Variants in GON4L observed in about 807,000 individuals in gnomAD.
GON4L encodes the protein GON-4-like protein.
Under a neutral mutation model 211.8 loss-of-function variants are expected in GON4L, and 87 were observed. The ratio of observed to expected loss-of-function variants is 0.41; its 90% CI spans 0.35 to 0.49. The LOEUF (loss-of-function observed/expected upper bound fraction) is 0.49. GON4L is among the 20% of genes least tolerant of loss of function. The pLI, the probability that GON4L is intolerant of heterozygous loss-of-function variation, is 0.15. For missense variants in GON4L, 2,155 were observed against 2,659.5 expected (o/e 0.81, Z 4.17); for synonymous variants, 875 against 962.6 (o/e 0.91, Z 1.68).
chr1:155,781,467 TA>T lies in GON4L; in HGVS notation c.1892+2518del, dbSNP rs1354714310. On this transcript the variant is annotated intron_variant, in intron 14 of 31. Transcript: ENST00000368331. ...GATCTATAATTATTATTATTATTAT[TA>T]TTATTATTTTTTGAGATGGAGTCTT... Among the ~76,000 whole-genome samples, 32 of 151,482 alleles carry T rather than the reference TA, an allele frequency of 2.1e-4. 1 individual carries two copies. Among genetic ancestry groups the T allele is most frequent in the African/African-American group, 5.1e-4 (21 of 41,310 alleles).
chr1:155,754,353 G>A (rs761393814), intron 28 of GON4L, 22 bp downstream of exon 28: 3 of 1,416,368 alleles, frequency 2.1e-6, no homozygotes, highest in Non-Finnish European at 3.0e-6. Flanking sequence ...GATACCCTCG[G>A]GACCCTTGAT....
At chr1:155,791,761 T>TTG (rs1665588838) in intron 12 of GON4L, among the ~76,000 whole-genome samples, 1 of 151,236 alleles carries the variant, frequency 6.6e-6, no homozygotes, top group African/African-American at 2.4e-5. Flanking sequence ...CCAGCTATTC[T>TTG]GGAGGCTGAG....
At chr1:155,802,312 T>TGGGGG (rs112512680) in intron 11 of GON4L, among the ~76,000 whole-genome samples, 4 of 137,134 alleles carry the variant, frequency 2.9e-5, no homozygotes, top group South Asian at 5.0e-4. Flanking sequence ...ACATTTTCCT[T>TGGGGG]GGGGGGGGGG....
Position 155,853,637 on chromosome 1 carries a change from G to C in GON4L, c.144C>G (p.Ser48=), listed in dbSNP as rs764640620. ...CTACTCTGCCATGACTTGGATCCCA[G>C]GATAGTGACACCGAACTCAAGTCCT... ...QVKDLSSVSL[S]WDPSHGRVAG... Residue 48 remains serine, a synonymous_variant, in exon 2 of 32, where the codon TCC becomes TCG. Transcript: ENST00000368331. 6.2e-7 allele frequency: 1 copy of C among 1,614,122 alleles called. No homozygotes were observed. Among genetic ancestry groups the C allele is most frequent in the Non-Finnish European group, 8.5e-7 (1 of 1,179,994 alleles).
In GON4L at chr1:155,752,391, C is replaced by T. The variant is rs528896667; in HGVS notation, c.6042G>A (p.Gln2014=). The change falls in exon 30 of 32, where the codon CAG becomes CAA. Residue 2014 remains glutamine, a synonymous_variant. Coordinates refer to ENST00000368331, the MANE Select transcript of GON4L (RefSeq NM_001282860.2). ...CTGCCTTTTGGCCCTCCCTCTCTTT[C>T]TGAAGTCTGGGGGATGCCTTGGGGC... is the stretch of plus-strand genomic sequence containing the variant. ...RSCPKASPRL[Q]KEREGQKAVS... is the part of the protein sequence containing the mutation. The T allele has an allele frequency of 1.9e-6, 3 of 1,589,324 alleles. No homozygotes were observed. The African/African-American group carries it at 4.0e-5, about 21-fold the overall frequency.
At chr1:155,858,062 A>G (rs1672420363), upstream of GON4L, among the ~76,000 whole-genome samples, 1 of 152,212 alleles carries the variant, frequency 6.6e-6, no homozygotes, top group Admixed American at 6.6e-5. Context: ...ACAGACAGCT[A>G]TCAAGGAGAA....
rs1007887279 is a variant in GON4L, at chr1:155,785,988, C to T, written c.1748-614G>A. On this transcript the variant is annotated intron_variant, in intron 12 of 31. Transcript: ENST00000368331. The stretch of plus-strand genomic sequence containing the variant: ...GTGGGCGCCTGTAGTCCCAGCTACT[C>T]GGGAGGCTGAGGCAGGAGAATGGCG... 6.6e-5 allele frequency among the ~76,000 whole-genome samples: 10 copies of T among 151,870 alleles called. No individual in the cohort carries two copies. The East Asian group carries it at 1.4e-3, about 21-fold the overall frequency.
At chr1:155,748,638 T>C, downstream of GON4L, 1 of 1,613,332 alleles carries the variant, frequency 6.2e-7, no homozygotes, top group Non-Finnish European at 8.5e-7. Flanking sequence ...CCCTTTCCCC[T>C]TGGCTCCAGG....
chr1:155,753,973 AT>A, intron 28 of GON4L: 1 of 274,310 alleles, frequency 3.6e-6, no homozygotes, highest in South Asian at 3.7e-5. Context: ...TGCTCCAAGG[AT>A]TTTAAATGGC....
chr1:155,753,081 C>G (rs187931741), intron 29 of GON4L, 123 bp downstream of exon 29: 2 of 711,216 alleles, frequency 2.8e-6, no homozygotes, highest in Non-Finnish European at 4.9e-6. Context: ...ATGGGTCCAT[C>G]AGTGAAAGAG....
At chr1:155,851,641 G>C (rs1012726088) in intron 2 of GON4L, among the ~76,000 whole-genome samples, 2 of 150,990 alleles carry the variant, frequency 1.3e-5, no homozygotes, top group Admixed American at 6.6e-5. Context: ...ACTTGAACAG[G>C]GGAGGTGGAG....
At chr1:155,838,137 T>TA (rs1031875973) in intron 2 of GON4L, among the ~76,000 whole-genome samples, 2 of 151,888 alleles carry the variant, frequency 1.3e-5, no homozygotes, top group Non-Finnish European at 2.9e-5. Flanking sequence ...AGCACACACT[T>TA]ATAGTCCCAG....
intron 11 of GON4L, among the ~76,000 whole-genome samples, chr1:155,796,104 A>T (rs934175866): frequency 3.9e-5 from 6 of 152,172 alleles, no homozygotes; most frequent in African/African-American, 1.2e-4. Flanking sequence ...TAACCATTCT[A>T]TAAAAGTTCA....
At chr1:155,807,491 G>A (rs1399440443) in intron 10 of GON4L, among the ~76,000 whole-genome samples, 1 of 151,896 alleles carries the variant, frequency 6.6e-6, no homozygotes, top group Non-Finnish European at 1.5e-5. Context: ...CGGATCACGA[G>A]GTCAGAAGAT....
intron 2 of GON4L, among the ~76,000 whole-genome samples, chr1:155,830,959 G>A (rs145065157): frequency 9.2e-5 from 14 of 152,198 alleles, no homozygotes; most frequent in African/African-American, 2.2e-4. Flanking sequence ...GTGTTTTGAA[G>A]GGCAATACTT....
upstream of GON4L, among the ~76,000 whole-genome samples, chr1:155,857,844 T>C (rs556981131): frequency 3.9e-5 from 6 of 152,238 alleles, no homozygotes; most frequent in South Asian, 1.2e-3. Flanking sequence ...TTACAAATAG[T>C]GCAGGCTCCT....
chr1:155,753,168 T>A, intron 29 of GON4L, 36 bp downstream of exon 29: 1 of 1,490,316 alleles, frequency 6.7e-7, no homozygotes, highest in South Asian at 1.1e-5. Flanking sequence ...ATAACGAGAC[T>A]GAGGAACAGA....
intron 12 of GON4L, among the ~76,000 whole-genome samples, chr1:155,791,753 A>G (rs928580964): frequency 6.6e-6 from 1 of 152,042 alleles, no homozygotes; most frequent in African/African-American, 2.4e-5. Flanking sequence ...CTGTAATCCC[A>G]GCTATTCTGG....
intron 2 of GON4L, among the ~76,000 whole-genome samples, chr1:155,828,483 A>C (rs898303426): frequency 6.6e-6 from 1 of 151,032 alleles, no homozygotes; most frequent in Non-Finnish European, 1.5e-5. Context: ...AACAGAGCGA[A>C]ACTCCATCTC....
Sources: allele counts gnomAD v4.1 joint callset (sites outside exome capture counted in the v4.1 genomes callset), GRCh38; gene constraint gnomAD v4.1.1; transcripts MANE v1.5; gene names NCBI Gene and HGNC (gene_info 2026-07-23, HGNC 2026-07-21).